The following CORO1C variants were observed in gnomAD, a reference collection of about 807,000 sequenced individuals.
The protein encoded by CORO1C is coronin-1C.
CORO1C carries 14 observed loss-of-function variants against 51.2 expected under a neutral mutation model. The ratio of observed to expected loss-of-function variants is 0.27; its 90% CI spans 0.18 to 0.43. The LOEUF is 0.43. Among genes scored for constraint, CORO1C ranks in the 20% least tolerant of loss-of-function variants. The pLI, the probability that CORO1C is intolerant of heterozygous loss-of-function variation, is 1.00. For missense variants in CORO1C, 417 were observed against 607.8 expected (o/e 0.69, Z 3.30); for synonymous variants, 181 against 210.5 (o/e 0.86, Z 1.21).
intron 2 of CORO1C, among the ~76,000 whole-genome samples, chr12:108,679,022 T>A (rs1171641279): frequency 1.5e-5 from 2 of 136,850 alleles, no homozygotes; most frequent in African/African-American, 2.8e-5. Context: ...GAGGCAGGAG[T>A]ATCGCTTGAA....
At chr12:108,706,457 A>G (rs181309465) in intron 1 of CORO1C, among the ~76,000 whole-genome samples, 2 of 152,328 alleles carry the variant, frequency 1.3e-5, no homozygotes, top group East Asian at 1.9e-4. Flanking sequence ...AAGGAGTAAG[A>G]GACATTCAGA....
At position 108,727,845 on chromosome 12, in the gene CORO1C, CTGA is replaced by C. The variant is rs1386134110; in HGVS notation, c.-6+3581_-6+3583del. Among the ~76,000 whole-genome samples the C allele has an allele frequency of 4.6e-5, 7 of 152,114 alleles. No individual in the cohort carries two copies. The East Asian group carries it at 1.3e-3, about 29-fold the overall frequency. ...AAGAAAATTTTTGCAAATCATACAG[CTGA>C]TAAGGCACTTGAATCTAGAATACAT... On this transcript the variant is annotated intron_variant, in intron 1 of 10. Transcript: ENST00000261401.
At chr12:108,703,874 AG>A (rs1205891229) in intron 1 of CORO1C, among the ~76,000 whole-genome samples, 7 of 152,152 alleles carry the variant, frequency 4.6e-5, no homozygotes, top group Non-Finnish European at 7.4e-5. Flanking sequence ...CTGGCTCCCA[AG>A]ATACCACCTG....
At chr12:108,719,465 T>C (rs12427083) in intron 1 of CORO1C, among the ~76,000 whole-genome samples, 8,713 of 152,286 alleles carry the variant, frequency 0.057, 526 homozygotes, top group East Asian at 0.32. Flanking sequence ...AGCGATTAGA[T>C]CATTTTAACA....
chr12:108,658,874 G>A lies in CORO1C; in HGVS notation c.494C>T (p.Ala165Val). 6.2e-7 allele frequency: 1 copy of A among 1,613,572 alleles called. No individual in the cohort carries two copies. Among genetic ancestry groups the A allele is most frequent in the Non-Finnish European group, 8.5e-7 (1 of 1,179,516 alleles). Reference sequence around the variant, plus strand: ...ATGCATATCGTCCAAGTTTATAAGGGCTTCCCCTGTTCCCACATTCCAGAT... The same window carrying A: ...ATGCATATCGTCCAAGTTTATAAGGACTTCCCCTGTTCCCACATTCCAGAT... The part of the protein sequence containing the change: ...IIIWNVGTGE[A>V]LINLDDMHSD... Residue 165 changes from alanine (A) to valine (V), a missense_variant, in exon 5 of 11, where the codon GCC becomes GTC. By Grantham distance (64) the Ala-to-Val change is moderately conservative (BLOSUM62 0). Coordinates refer to ENST00000261401, the MANE Select transcript of CORO1C (RefSeq NM_014325.4). This position sits in a 1 kb window ranked among gnomAD's most constrained non-coding sequence, Gnocchi z 4.9.
At chr12:108,665,327 C>T (rs965695970) in intron 3 of CORO1C, among the ~76,000 whole-genome samples, 2 of 152,126 alleles carry the variant, frequency 1.3e-5, no homozygotes, top group African/African-American at 4.8e-5. Flanking sequence ...GCTGGTTTAA[C>T]GGTTCCCTCA....
At chr12:108,662,447 T>C (rs1358810141) in intron 3 of CORO1C, among the ~76,000 whole-genome samples, 1 of 152,184 alleles carries the variant, frequency 6.6e-6, no homozygotes, top group Non-Finnish European at 1.5e-5. Flanking sequence ...GTTGAAGCAA[T>C]TCTCCTGCCT....
chr12:108,726,229 A>G (rs2035586954), intron 1 of CORO1C, among the ~76,000 whole-genome samples: 1 of 152,098 alleles, frequency 6.6e-6, no homozygotes, highest in Admixed American at 6.5e-5. Flanking sequence ...CATCCTGGCT[A>G]ACACAGTGAA....
At chr12:108,675,629 A>G (rs1314816742) in intron 3 of CORO1C, among the ~76,000 whole-genome samples, 1 of 152,200 alleles carries the variant, frequency 6.6e-6, no homozygotes, top group African/African-American at 2.4e-5. Flanking sequence ...TGGTAACTAA[A>G]TAGTAAGTAA....
intron 1 of CORO1C, chr12:108,730,775 C>G (rs567401095): frequency 6.5e-6 from 1 of 154,038 alleles, no homozygotes; most frequent in South Asian, 2.0e-4. Context: ...CCACATTACT[C>G]CAGCTCCAGC....
intron 10 of CORO1C, among the ~76,000 whole-genome samples, chr12:108,648,158 C>T (rs1357041455): frequency 6.6e-6 from 1 of 152,190 alleles, no homozygotes; most frequent in Non-Finnish European, 1.5e-5. Flanking sequence ...CTGTCGTAGC[C>T]ACTCAGCTAC....
chr12:108,662,001 G>A (rs1353340876), intron 4 of CORO1C, 28 bp downstream of exon 4: 2 of 1,613,706 alleles, frequency 1.2e-6, no homozygotes, highest in South Asian at 2.2e-5. Context: ...TGGAAGACAA[G>A]GGGAGGACCG....
intron 2 of CORO1C, among the ~76,000 whole-genome samples, chr12:108,689,491 G>A (rs1321195283): frequency 6.6e-6 from 1 of 152,100 alleles, no homozygotes; most frequent in East Asian, 1.9e-4. Context: ...CCTTCCTAGG[G>A]TGCTGGATTC....
At chr12:108,701,577 T>C in intron 1 of CORO1C, 1 of 507,516 alleles carries the variant, frequency 2.0e-6, no homozygotes, top group South Asian at 2.2e-5. Flanking sequence ...TCATCAGTTT[T>C]AATTTCAATG....
intron 3 of CORO1C, among the ~76,000 whole-genome samples, chr12:108,663,018 T>G (rs951691905): frequency 6.6e-6 from 1 of 152,226 alleles, no homozygotes; most frequent in African/African-American, 2.4e-5. Flanking sequence ...GCCAGTCATC[T>G]AAATAGACAT....
chr12:108,667,688 C>T (rs1423242303), intron 3 of CORO1C, among the ~76,000 whole-genome samples: 2 of 152,056 alleles, frequency 1.3e-5, no homozygotes, highest in Admixed American at 6.6e-5. Context: ...ACATAGAAAC[C>T]TCTCATCTAT....
intron 2 of CORO1C, among the ~76,000 whole-genome samples, chr12:108,694,381 A>C (rs1386171702): frequency 6.6e-6 from 1 of 152,086 alleles, no homozygotes. Context: ...TGATTTTTCT[A>C]AAGTACTGTG....
At chr12:108,720,128 T>C (rs2035441521) in intron 1 of CORO1C, among the ~76,000 whole-genome samples, 1 of 151,800 alleles carries the variant, frequency 6.6e-6, no homozygotes, top group Admixed American at 6.6e-5. Flanking sequence ...CGACGCTGCA[T>C]TGAGCCTCAA....
Position 108,701,179 on chromosome 12 carries a change from G to A in CORO1C, c.140C>T (p.Ala47Val), listed in dbSNP as rs2034856608. 1 of 1,614,006 alleles carries A rather than the reference G, an allele frequency of 6.2e-7. No individual in the cohort carries two copies. Among genetic ancestry groups the A allele is most frequent in the African/African-American group, 1.3e-5 (1 of 74,892 alleles). Residue 47 changes from alanine to valine, a missense_variant, in exon 2 of 11, where the codon GCC becomes GTC. Coordinates refer to ENST00000261401, the MANE Select transcript of CORO1C (RefSeq NM_014325.4). ...TCCCCCACTTGCCTCTATGATTATG[G>A]CAACAAATCTGGGATTGACAGCACA... ...SFCAVNPRFV[A>V]IIIEASGGGA...
Sources: allele counts gnomAD v4.1 joint callset (sites outside exome capture counted in the v4.1 genomes callset), GRCh38; gene constraint gnomAD v4.1.1; non-coding constraint Gnocchi (gnomAD v3.1); transcripts MANE v1.5; gene names NCBI Gene and HGNC (gene_info 2026-07-23, HGNC 2026-07-21).